The following CNST variants were observed in gnomAD, a reference collection of about 807,000 sequenced individuals.
The protein encoded by CNST is consortin, connexin sorting protein, also known as consortin.
Under a neutral mutation model 72.4 loss-of-function variants are expected in CNST, and 39 were observed. The observed-to-expected ratio is 0.54, with a 90% CI of 0.42 to 0.70. The LOEUF is 0.70. Ranked by LOEUF, CNST falls within the 30% of genes least tolerant of loss-of-function variation. The probability of loss-of-function intolerance (pLI) is 0.00; values close to 1 mark genes in which losing one functional copy is unlikely to be tolerated. For synonymous variants in CNST, 332 were observed against 320.1 expected (o/e 1.04, Z -0.40); for missense variants, 871 against 868.5 (o/e 1.00, Z -0.04).
chr1:246,581,869 A>G (rs1225752962), intron 1 of CNST, among the ~76,000 whole-genome samples: 2 of 152,194 alleles, frequency 1.3e-5, no homozygotes, highest in Non-Finnish European at 2.9e-5. Flanking sequence ...AATGTTTTAT[A>G]GGCAAAATTT....
At chr1:246,652,745 C>G (rs953397268) in intron 9 of CNST, among the ~76,000 whole-genome samples, 2 of 152,040 alleles carry the variant, frequency 1.3e-5, no homozygotes, top group African/African-American at 2.4e-5. Context: ...TGGCTCACGC[C>G]TGTAATCCCA....
At chr1:246,649,986 A>G (rs982811891) in intron 9 of CNST, among the ~76,000 whole-genome samples, 3 of 151,778 alleles carry the variant, frequency 2.0e-5, no homozygotes, top group Non-Finnish European at 2.9e-5. Flanking sequence ...TCAGTCATCT[A>G]TTGACATGTA....
At chr1:246,655,548 C>G (rs920186449) in intron 9 of CNST, among the ~76,000 whole-genome samples, 3 of 152,010 alleles carry the variant, frequency 2.0e-5, no homozygotes, top group African/African-American at 4.8e-5. Flanking sequence ...CAAATTTGGC[C>G]ATTAGTTTAA....
chr1:246,659,540 A>T (rs1666968228), intron 9 of CNST, among the ~76,000 whole-genome samples: 2 of 151,874 alleles, frequency 1.3e-5, no homozygotes, highest in South Asian at 4.2e-4. Context: ...GATTGCAGTG[A>T]GCCGAGATCG....
intron 6 of CNST, among the ~76,000 whole-genome samples, chr1:246,635,513 G>C (rs1320509396): frequency 6.6e-6 from 1 of 152,084 alleles, no homozygotes; most frequent in East Asian, 1.9e-4. Flanking sequence ...TGTTTGAAGC[G>C]ATTTCTAGAA....
intron 2 of CNST, among the ~76,000 whole-genome samples, chr1:246,594,285 G>C (rs1173412402): frequency 1.3e-5 from 2 of 152,054 alleles, no homozygotes; most frequent in African/African-American, 4.8e-5. Flanking sequence ...GAGTACCTGG[G>C]ACTACAGGTA....
In CNST at chr1:246,577,455, T is replaced by C. The variant is rs145534138; in HGVS notation, c.-52+10792T>C. On this transcript the variant is annotated intron_variant, in intron 1 of 10. Transcript: ENST00000366513. ...GCTGTTACTCAAAGTTTGTCTTCACTTGTGCTTGGAATTTGAGGTTACTCT... is the reference window on the plus strand; with the variant it reads ...GCTGTTACTCAAAGTTTGTCTTCACCTGTGCTTGGAATTTGAGGTTACTCT... 2.2e-3 allele frequency among the ~76,000 whole-genome samples: 340 copies of C among 152,212 alleles called. 5 individuals are homozygous for C. Among genetic ancestry groups the C allele is most frequent in the African/African-American group, 7.9e-3 (326 of 41,448 alleles).
In CNST at chr1:246,586,962, A is replaced by G. The variant is rs536554635; in HGVS notation, c.-51-4550A>G. ...GCTCTGGAATCAGATTCTAAATTGA[A>G]TCCTGGCTTTGCCACATAATAGCAG... On this transcript the variant is annotated intron_variant, in intron 1 of 10. Coordinates refer to ENST00000366513, the MANE Select transcript of CNST (RefSeq NM_152609.3). Among the ~76,000 whole-genome samples, 35 of 152,350 alleles carry G rather than the reference A, an allele frequency of 2.3e-4. No homozygotes were observed. The South Asian group carries it at 2.5e-3, about 11-fold the overall frequency.
At chr1:246,603,951 G>A (rs970304995) in intron 2 of CNST, among the ~76,000 whole-genome samples, 1 of 152,196 alleles carries the variant, frequency 6.6e-6, no homozygotes, top group South Asian at 2.1e-4. Flanking sequence ...AAGGCTGGAC[G>A]TGGTGGCTCA....
Position 246,637,073 on chromosome 1 carries a change from C to T in CNST, c.818+2486C>T, listed in dbSNP as rs572608346. 7.2e-5 allele frequency among the ~76,000 whole-genome samples: 11 copies of T among 152,278 alleles called. No individual in the cohort carries two copies. The East Asian group carries it at 9.6e-4, about 13-fold the overall frequency. ...CTGGAAGCAGGTGTTTAGTCTTCCT[C>T]GTGTTTTGGTTTTAAGAAAAAGAAA... On this transcript the variant is annotated intron_variant, in intron 6 of 10. Transcript: ENST00000366513.
intron 1 of CNST, among the ~76,000 whole-genome samples, chr1:246,581,190 T>C (rs1660761564): frequency 1.3e-5 from 2 of 152,200 alleles, no homozygotes; most frequent in Admixed American, 1.3e-4. Context: ...CTTTAACCAT[T>C]CCCATACATG....
At chr1:246,646,985 C>T (rs1666122436) in intron 8 of CNST, among the ~76,000 whole-genome samples, 154 bp from the exon 9 acceptor site, 1 of 152,136 alleles carries the variant, frequency 6.6e-6, no homozygotes, top group Non-Finnish European at 1.5e-5. Context: ...TTGGGTATTT[C>T]CTCTACCTAA....
chr1:246,585,664 TATACACAC>T (rs1443038488), intron 1 of CNST, among the ~76,000 whole-genome samples: 2,348 of 39,586 alleles, frequency 0.059, 75 homozygotes, highest in Non-Finnish European at 0.075. Context: ...AAAAAAAAAA[TATACACAC>T]ACACACACAC....
intron 2 of CNST, among the ~76,000 whole-genome samples, chr1:246,599,947 A>G (rs1020013677): frequency 6.6e-6 from 1 of 152,228 alleles, no homozygotes; most frequent in Non-Finnish European, 1.5e-5. Flanking sequence ...TGAGGGAGCC[A>G]CGTAACTAAC....
intron 1 of CNST, among the ~76,000 whole-genome samples, chr1:246,585,262 T>C (rs1205260644): frequency 1.3e-5 from 2 of 152,154 alleles, no homozygotes; most frequent in African/African-American, 4.8e-5. Context: ...TTCTGCCAGC[T>C]TTTCTAGTGA....
At chr1:246,589,463 C>T (rs1325240461) in intron 1 of CNST, among the ~76,000 whole-genome samples, 3 of 151,942 alleles carry the variant, frequency 2.0e-5, no homozygotes, top group Non-Finnish European at 4.4e-5. Context: ...TTTATGGATG[C>T]ATAGTATTCC....
chr1:246,639,598 C>T (rs912310465), intron 6 of CNST, among the ~76,000 whole-genome samples: 5 of 152,100 alleles, frequency 3.3e-5, no homozygotes, highest in Admixed American at 3.3e-4. Flanking sequence ...ATGGGCATGG[C>T]AGTCTTTTTG....
chr1:246,622,110 G>C (rs1664131201), intron 3 of CNST, among the ~76,000 whole-genome samples: 2 of 152,196 alleles, frequency 1.3e-5, no homozygotes, highest in Non-Finnish European at 2.9e-5. Context: ...GGGATATTTG[G>C]CATATTACTA....
chr1:246,606,143 G>A (rs12754480), intron 2 of CNST: 40,072 of 148,966 alleles, frequency 0.27, 1,963 homozygotes, highest in East Asian at 0.5. Flanking sequence ...CCATCGTGTC[G>A]TTGTAGCAGG....
Sources: gnomAD v4.1 joint callset for allele counts (sites outside exome capture counted in the v4.1 genomes callset) on GRCh38, gnomAD v4.1.1 for gene constraint, MANE v1.5 for transcripts, NCBI Gene and HGNC (gene_info 2026-07-23, HGNC 2026-07-21) for gene names.